The following ANO5 variants were observed in gnomAD, a reference collection of about 807,000 sequenced individuals.
ANO5 encodes the protein anoctamin-5.
ANO5 carries 109 observed loss-of-function variants against 121.0 expected under a neutral mutation model. That is an observed-to-expected ratio of 0.90 (90% CI 0.77 to 1.06). ANO5 has a LOEUF of 1.06. Among genes scored for constraint, ANO5 ranks in the 50% least tolerant of loss-of-function variants. ANO5 has a pLI of 0.00. For synonymous variants in ANO5, 406 were observed against 359.9 expected (o/e 1.13, Z -1.45); for missense variants, 1,064 against 1,078.5 (o/e 0.99, Z 0.19).
chr11:22,270,116 C>T (rs1395437239), intron 17 of ANO5, among the ~76,000 whole-genome samples, 196 bp from the exon 18 acceptor site: 1 of 152,138 alleles, frequency 6.6e-6, no homozygotes, highest in Non-Finnish European at 1.5e-5. Flanking sequence ...TAATAAAGAA[C>T]TCTTGACTTC....
chr11:22,231,526 A>G (rs1405999970), intron 7 of ANO5, among the ~76,000 whole-genome samples: 1 of 151,964 alleles, frequency 6.6e-6, no homozygotes, highest in Non-Finnish European at 1.5e-5. Flanking sequence ...GACAGTAGAT[A>G]TTAATCTATC....
rs759118260 is a variant in ANO5, at chr11:22,236,222, G to C, written c.708G>C (p.Gly236=). 5.6e-6 allele frequency: 9 copies of C among 1,613,440 alleles called. No homozygotes were observed. Among genetic ancestry groups the C allele is most frequent in the Non-Finnish European group, 6.8e-6 (8 of 1,179,618 alleles). ...FGIEDGKKRF[G]IERLLNSNTY... is the part of the protein sequence containing the mutation. The stretch of plus-strand genomic sequence containing the variant: ...TAGAAGATGGGAAGAAAAGGTTTGG[G>C]ATTGAAAGACTGCTAAACTCTAACA... Residue 236 remains glycine (G), a synonymous_variant, in exon 8 of 22, where the codon GGG becomes GGC. Coordinates refer to ENST00000324559, the MANE Select transcript of ANO5 (RefSeq NM_213599.3).
rs2133647759 is a variant in ANO5, at chr11:22,236,152, T to C, written c.649-11T>C. ...GAGATGTGATAGTGTCTCTTTGCAC[T>C]TACCTTGTAGGTGTACTATATTCTC... On this transcript the variant is annotated splice_polypyrimidine_tract_variant and intron_variant, in intron 7 of 21. Transcript: ENST00000324559. 2 of 1,564,716 alleles carry C rather than the reference T, an allele frequency of 1.3e-6. No homozygotes were observed. Among genetic ancestry groups the C allele is most frequent in the Non-Finnish European group, 1.8e-6 (2 of 1,135,600 alleles).
At chr11:22,239,019 A>G (rs903407055) in intron 8 of ANO5, among the ~76,000 whole-genome samples, 4 of 152,282 alleles carry the variant, frequency 2.6e-5, no homozygotes, top group East Asian at 1.9e-4. Context: ...ATTAGTCAGT[A>G]TCTAACAATG....
At chr11:22,266,784 T>C (rs1057013976) in intron 17 of ANO5, among the ~76,000 whole-genome samples, 3 of 152,296 alleles carry the variant, frequency 2.0e-5, no homozygotes, top group Non-Finnish European at 2.9e-5. Flanking sequence ...ATTACTGATA[T>C]AATTCTTAGT....
At chr11:22,245,124 T>C (rs1050582988) in intron 9 of ANO5, among the ~76,000 whole-genome samples, 1 of 152,184 alleles carries the variant, frequency 6.6e-6, no homozygotes. Context: ...CACAGTTTTG[T>C]ATATTGGCAG....
In ANO5 at chr11:22,225,664, T is replaced by C. The variant is rs1743599883; in HGVS notation, c.295-320T>C. Among the ~76,000 whole-genome samples the C allele has an allele frequency of 2.0e-5, 3 of 152,164 alleles. No individual in the cohort carries two copies. The South Asian group carries it at 6.2e-4, about 31-fold the overall frequency. On this transcript the variant is annotated intron_variant, in intron 5 of 21. Transcript: ENST00000324559. ...ATTGATCTTTGTAATAGTGAATCTT[T>C]TCAACTTGGAGCATATGTCTCTCTG...
At position 22,233,544 on chromosome 11, in the gene ANO5, G is replaced by A. The variant is rs569364668; in HGVS notation, c.649-2619G>A. Among the ~76,000 whole-genome samples, 4 of 152,110 alleles carry A rather than the reference G, an allele frequency of 2.6e-5. No individual in the cohort carries two copies. The South Asian group carries it at 8.3e-4, about 32-fold the overall frequency. On this transcript the variant is annotated intron_variant, in intron 7 of 21. Transcript: ENST00000324559. ...TAACCATGTCAATGCAGTCTTACTT[G>A]CATTATTAACTGAAGAAAAATGGAT... is the stretch of plus-strand genomic sequence containing the variant.
chr11:22,207,108 T>C (rs1346645598), intron 2 of ANO5, among the ~76,000 whole-genome samples: 3 of 152,108 alleles, frequency 2.0e-5, no homozygotes, highest in East Asian at 3.8e-4. Flanking sequence ...TATATTTCTA[T>C]ATACTGGTAA....
intron 2 of ANO5, 86 bp downstream of exon 2, chr11:22,203,936 C>T (rs1362280502): frequency 3.4e-6 from 3 of 873,470 alleles, no homozygotes; most frequent in South Asian, 3.1e-5. Context: ...TACTTATTTA[C>T]TTATAATACA....
At position 22,282,543 on chromosome 11, in the gene ANO5, G is replaced by A. The variant is rs1310576267; in HGVS notation, c.*2778G>A. The A allele has an allele frequency of 2.0e-5, 3 of 152,152 alleles. No individual in the cohort carries two copies. The highest frequency in any genetic ancestry group is 2.9e-5 in the Non-Finnish European group (2 of 68,008). 9.4% of individuals were successfully genotyped at this position (152,152 alleles called of 1,614,324 possible). ...GGAAATGAGAAAGAAGAGGAGTGAG[G>A]AAACAGTTATTTCCTTATGAATCCT... is the stretch of plus-strand genomic sequence containing the variant. On this transcript the variant is annotated 3_prime_UTR_variant, in exon 22 of 22. Transcript: ENST00000324559.
At chr11:22,273,135 A>G (rs1854690873) in intron 19 of ANO5, 146 bp downstream of exon 19, 2 of 848,120 alleles carry the variant, frequency 2.4e-6, no homozygotes, top group Non-Finnish European at 1.9e-6. Context: ...GCGCTAACCA[A>G]TATAGAAAAA....
intron 2 of ANO5, among the ~76,000 whole-genome samples, chr11:22,210,372 G>A (rs965152646): frequency 1.9e-4 from 29 of 151,946 alleles, no homozygotes; most frequent in African/African-American, 7.0e-4. Flanking sequence ...TTTCCAAGGT[G>A]CTCTTTGAGT....
chr11:22,205,372 A>G (rs1852085754), intron 2 of ANO5, among the ~76,000 whole-genome samples: 1 of 152,112 alleles, frequency 6.6e-6, no homozygotes, highest in Non-Finnish European at 1.5e-5. Context: ...AGAAAAGTTC[A>G]GCGACCTAAA....
Position 22,236,159 on chromosome 11 carries a change from G to T in ANO5, c.649-4G>T. ...GATAGTGTCTCTTTGCACTTACCTT[G>T]TAGGTGTACTATATTCTCTCAAGAT... On this transcript the variant is annotated splice_polypyrimidine_tract_variant and splice_region_variant and intron_variant, in intron 7 of 21. Coordinates refer to ENST00000324559, the MANE Select transcript of ANO5 (RefSeq NM_213599.3). 1.3e-6 allele frequency: 2 copies of T among 1,589,544 alleles called. No individual in the cohort carries two copies. Among genetic ancestry groups the T allele is most frequent in the Non-Finnish European group, 1.7e-6 (2 of 1,158,074 alleles).
intron 21 of ANO5, among the ~76,000 whole-genome samples, chr11:22,277,307 ATAAT>A (rs767785822): frequency 2.0e-5 from 3 of 151,620 alleles, no homozygotes; most frequent in African/African-American, 4.8e-5. Context: ...AAGTATTTTG[ATAAT>A]TTATTTAGCA....
chr11:22,270,570 T>G, intron 18 of ANO5, 128 bp downstream of exon 18: 6 of 1,365,728 alleles, frequency 4.4e-6, no homozygotes, highest in Non-Finnish European at 6.1e-6. Context: ...GCAAAAAAGA[T>G]GAGTGGAGGG....
intron 3 of ANO5, among the ~76,000 whole-genome samples, chr11:22,213,178 G>T (rs1458885928): frequency 6.6e-6 from 1 of 151,694 alleles, no homozygotes. Context: ...TGGTACATTT[G>T]TAACAATTAA....
intron 7 of ANO5, among the ~76,000 whole-genome samples, chr11:22,228,516 C>T (rs1183244833): frequency 6.6e-6 from 1 of 151,922 alleles, no homozygotes; most frequent in East Asian, 1.9e-4. Context: ...AAAAACCTCT[C>T]TTCTAGCTAT....
Sources: allele counts gnomAD v4.1 joint callset (sites outside exome capture counted in the v4.1 genomes callset), GRCh38; gene constraint gnomAD v4.1.1; transcripts MANE v1.5; gene names NCBI Gene and HGNC (gene_info 2026-07-23, HGNC 2026-07-21).